Variants in PAK5 observed in about 807,000 individuals in gnomAD.
The protein encoded by PAK5 is p21 (RAC1) activated kinase 5.
PAK5 carries 16 observed loss-of-function variants against 65.9 expected under a neutral mutation model. The observed-to-expected ratio is 0.24, with a 90% CI of 0.16 to 0.37. PAK5 has a LOEUF of 0.37. PAK5 is among the 10% of genes least tolerant of loss of function. The pLI is 1.00. For synonymous variants in PAK5, 371 were observed against 354.9 expected, an observed-to-expected ratio of 1.05 and a Z score of -0.51; for missense variants, 785 against 903.9, an observed-to-expected ratio of 0.87 and a Z score of 1.69.
chr20:9,644,474 T>C (rs1049355943), intron 2 of PAK5, 135 bp from the exon 3 acceptor site: 18 of 631,516 alleles, frequency 2.9e-5, no homozygotes, highest in South Asian at 1.4e-4. Context: ...AAGATAAAAG[T>C]TGAGTTTTCA....
chr20:9,697,473 T>C (rs2047884308), intron 2 of PAK5, among the ~76,000 whole-genome samples: 1 of 152,104 alleles, frequency 6.6e-6, no homozygotes. Flanking sequence ...AGTTAAAGAC[T>C]TTGGCCCTCT....
chr20:9,596,361 G>T (rs1212385047), intron 3 of PAK5, among the ~76,000 whole-genome samples: 2 of 152,136 alleles, frequency 1.3e-5, no homozygotes, highest in South Asian at 4.1e-4. Context: ...CAGAGGCCAG[G>T]CACGGAGGCT....
At chr20:9,732,282 T>C (rs2048342602) in intron 1 of PAK5, among the ~76,000 whole-genome samples, 1 of 152,216 alleles carries the variant, frequency 6.6e-6, no homozygotes, top group Admixed American at 6.5e-5. Context: ...AACTCAGTAA[T>C]ACTTAAAGTG....
intron 1 of PAK5, among the ~76,000 whole-genome samples, chr20:9,748,673 A>C (rs2048537366): frequency 6.6e-6 from 1 of 152,306 alleles, no homozygotes; most frequent in East Asian, 1.9e-4. Flanking sequence ...GAATATTGGC[A>C]TATTTGGACA....
chr20:9,678,000 C>T (rs189666665), intron 2 of PAK5, among the ~76,000 whole-genome samples: 3 of 152,180 alleles, frequency 2.0e-5, no homozygotes, highest in Admixed American at 6.5e-5. Flanking sequence ...TGAGAAGGGA[C>T]CATGGGCTCA....
rs1023282066 is a variant in PAK5, at chr20:9,592,393, T to C, written c.205-11463A>G. Among the ~76,000 whole-genome samples the C allele has an allele frequency of 9.8e-5, 15 of 152,308 alleles. 1 individual carries two copies. The highest frequency in any genetic ancestry group is 9.2e-4 in the Admixed American group (14 of 15,288). ...ACTAATTTCTCTTTGGTGATCAAAG[T>C]CAGAGTACTAGTTACCCCTAGGGGA... On this transcript the variant is annotated intron_variant, in intron 3 of 9. Coordinates refer to ENST00000353224, the MANE Select transcript of PAK5 (RefSeq NM_177990.4).
At chr20:9,639,146 T>C (rs2047018909) in intron 3 of PAK5, among the ~76,000 whole-genome samples, 1 of 152,240 alleles carries the variant, frequency 6.6e-6, no homozygotes, top group Non-Finnish European at 1.5e-5. Flanking sequence ...CTTTATCATA[T>C]GTCATTCTTA....
At chr20:9,822,045 T>C (rs1305611651) in intron 1 of PAK5, among the ~76,000 whole-genome samples, 2 of 152,080 alleles carry the variant, frequency 1.3e-5, no homozygotes, top group East Asian at 1.9e-4. Context: ...TCCCAACACT[T>C]TGGGAGGCTG....
chr20:9,569,332 T>G (rs946996292), intron 4 of PAK5, among the ~76,000 whole-genome samples: 1 of 152,038 alleles, frequency 6.6e-6, no homozygotes, highest in Non-Finnish European at 1.5e-5. Context: ...ATGCCCCAAG[T>G]CCAGGGAAGA....
chr20:9,551,807 CTG>C (rs926471875), intron 7 of PAK5, among the ~76,000 whole-genome samples: 6 of 152,188 alleles, frequency 3.9e-5, no homozygotes, highest in African/African-American at 1.4e-4. Context: ...ACCAGAATCT[CTG>C]GGGTTGGGGC....
chr20:9,562,778 T>C, intron 6 of PAK5, 113 bp downstream of exon 6: 1 of 878,260 alleles, frequency 1.1e-6, no homozygotes, highest in Non-Finnish European at 1.8e-6. Flanking sequence ...AGGGTAGTCA[T>C]ATTCCCTGAC....
At chr20:9,835,079 G>A (rs1178846683) in intron 1 of PAK5, among the ~76,000 whole-genome samples, 3 of 152,140 alleles carry the variant, frequency 2.0e-5, no homozygotes, top group Admixed American at 6.5e-5. Context: ...GTTCTAAATT[G>A]CTCTTTCTAT....
intron 1 of PAK5, among the ~76,000 whole-genome samples, chr20:9,794,308 C>T (rs1248164950): frequency 6.6e-6 from 1 of 151,914 alleles, no homozygotes; most frequent in Non-Finnish European, 1.5e-5. Flanking sequence ...CAAACCTGCA[C>T]ATTCTGCACA....
At chr20:9,624,118 A>T (rs569490019) in intron 3 of PAK5, among the ~76,000 whole-genome samples, 30 of 152,348 alleles carry the variant, frequency 2.0e-4, no homozygotes, top group Non-Finnish European at 3.5e-4. Context: ...ACAATAAAAT[A>T]TTGTAAGAAA....
chr20:9,769,667 A>G (rs2048811685), intron 1 of PAK5, among the ~76,000 whole-genome samples: 1 of 152,246 alleles, frequency 6.6e-6, no homozygotes, highest in Non-Finnish European at 1.5e-5. Context: ...ATATACCTTT[A>G]GCTCAGCTAT....
In PAK5 at chr20:9,609,668, T is replaced by C. The variant is rs1287386495; in HGVS notation, c.205-28738A>G. 2.0e-5 allele frequency among the ~76,000 whole-genome samples: 3 copies of C among 152,198 alleles called. No individual in the cohort carries two copies. In the East Asian group the frequency reaches 5.8e-4, roughly 29 times the overall value. ...TGTTTTTGCATTTGGGCACTGGCCATACTATCCTGGAAGATTTTACACCAG... is the reference window on the plus strand; with the variant it reads ...TGTTTTTGCATTTGGGCACTGGCCACACTATCCTGGAAGATTTTACACCAG... On this transcript the variant is annotated intron_variant, in intron 3 of 9. Transcript: ENST00000353224.
chr20:9,653,581 T>C (rs1478099015), intron 2 of PAK5, among the ~76,000 whole-genome samples: 2 of 152,240 alleles, frequency 1.3e-5, no homozygotes, highest in African/African-American at 4.8e-5. Context: ...GCCTTTCTCT[T>C]CTGCATCATC....
At chr20:9,740,571 C>T (rs1030440654) in intron 1 of PAK5, among the ~76,000 whole-genome samples, 2 of 152,204 alleles carry the variant, frequency 1.3e-5, no homozygotes, top group Non-Finnish European at 2.9e-5. Flanking sequence ...TCTAAGACTA[C>T]ATCTTGAGAG....
At chr20:9,589,100 G>A (rs1476024573) in intron 3 of PAK5, among the ~76,000 whole-genome samples, 1 of 152,184 alleles carries the variant, frequency 6.6e-6, no homozygotes, top group Admixed American at 6.5e-5. Context: ...TTCAAAAGCA[G>A]TATCTTCTGT....
Sources: gnomAD v4.1 joint callset for allele counts (sites outside exome capture counted in the v4.1 genomes callset) on GRCh38, gnomAD v4.1.1 for gene constraint, MANE v1.5 for transcripts, NCBI Gene and HGNC (gene_info 2026-07-23, HGNC 2026-07-21) for gene names.